KCNH2: variants seen among roughly 807,000 people sequenced by gnomAD.
KCNH2 encodes potassium voltage-gated channel subfamily H member 2, also known as voltage-gated inwardly rectifying potassium channel KCNH2.
In KCNH2, 35 loss-of-function variants were observed where a neutral mutation model predicts 95.9. That is an observed-to-expected ratio of 0.37 (90% CI 0.28 to 0.48). The LOEUF (loss-of-function observed/expected upper bound fraction) is 0.48. Among genes scored for constraint, KCNH2 ranks in the 20% least tolerant of loss-of-function variants. The pLI is 0.99. For missense variants in KCNH2, 1,274 were observed against 1,702.9 expected (o/e 0.75, Z 4.43); for synonymous variants, 786 against 754.7 (o/e 1.04, Z -0.68).
In KCNH2 at chr7:150,962,455, G is replaced by C. The variant is rs1045385446; in HGVS notation, c.308-2719C>G. 6.6e-6 allele frequency among the ~76,000 whole-genome samples: 1 copy of C among 152,136 alleles called. No homozygotes were observed. The highest frequency in any genetic ancestry group is 2.4e-5 in the African/African-American group (1 of 41,434). On this transcript the variant is annotated intron_variant, in intron 2 of 14. Coordinates refer to ENST00000262186, the MANE Select transcript of KCNH2 (RefSeq NM_000238.4). The surrounding 1 kb of genome is among the most constrained non-coding windows in gnomAD (Gnocchi z 5.7). ...TCCAACCTTGAGACCTCAGCAGCCCGTCCCCTCTTCAGCTCAAGCTGCTCA... is the reference window on the plus strand; with the variant it reads ...TCCAACCTTGAGACCTCAGCAGCCCCTCCCCTCTTCAGCTCAAGCTGCTCA...
chr7:150,947,850 G>A lies in KCNH2; in HGVS notation c.2721C>T (p.Ala907=), dbSNP rs1800974519. ...CTGCCCCCGCCCGGCCCGGCCCCAA[G>A]GCCGACACCTCCCCTGGCTGCTCCG... ...KDTEQPGEVS[A]LGPGRAGAGP... Residue 907 remains alanine, a synonymous_variant, in exon 12 of 15, where the codon GCC becomes GCT. Coordinates refer to ENST00000262186, the MANE Select transcript of KCNH2 (RefSeq NM_000238.4). 1 of 1,528,034 alleles carries A rather than the reference G, an allele frequency of 6.5e-7. No individual in the cohort carries two copies. The highest frequency in any genetic ancestry group is 8.7e-7 in the Non-Finnish European group (1 of 1,143,320). 94.7% of individuals were successfully genotyped at this position (1,528,034 alleles called of 1,614,324 possible). A position where few individuals can be genotyped will look rare whatever the true frequency, so the allele number is the denominator to read the frequency against.
In KCNH2 at chr7:150,948,924, G is replaced by C. The variant is rs2116940520; in HGVS notation, c.2524C>G (p.Leu842Val). 1 of 1,614,214 alleles carries C rather than the reference G, an allele frequency of 6.2e-7. No individual in the cohort carries two copies. The highest frequency in any genetic ancestry group is 8.5e-7 in the Non-Finnish European group (1 of 1,180,042). ...TCGGAGAACTCAGGGTACATGTCCAGCACCTCCAGCAGGTCGTCCCGATGG... is the reference window on the plus strand; with the variant it reads ...TCGGAGAACTCAGGGTACATGTCCACCACCTCCAGCAGGTCGTCCCGATGG... ...KIHRDDLLEV[L>V]DMYPEFSDHF... Residue 842 changes from leucine (L) to valine (V), a missense_variant, in exon 10 of 15, where the codon CTG becomes GTG. Leu to Val is a conservative substitution (Grantham distance 32, BLOSUM62 1). Coordinates refer to ENST00000262186, the MANE Select transcript of KCNH2 (RefSeq NM_000238.4).
In KCNH2 at chr7:150,948,469, C is replaced by A; in HGVS notation, c.2667G>T (p.Leu889Phe). The part of the protein sequence containing the change: ...GGFSRQRKRK[L>F]SFRRRTDKDT... ...CCTTGTCCGTGCGCCTGCGGAAGGA[C>A]AACTTGCGCTTGCGTTGCCGACTGA... The change falls in exon 11 of 15, where the codon TTG becomes TTT. Residue 889 changes from leucine (L) to phenylalanine (F), a missense_variant. Around this residue, in one of 7 missense-constraint regions of KCNH2, gnomAD observed 457 missense variants for 416.1 expected, o/e 1.10. Transcript: ENST00000262186. The A allele has an allele frequency of 6.2e-7, 1 of 1,610,258 alleles. No individual in the cohort carries two copies.
Position 150,977,831 on chromosome 7 carries a change from C to G in KCNH2, c.76+7G>C. 6.3e-7 allele frequency: 1 copy of G among 1,589,946 alleles called. No individual in the cohort carries two copies. The highest frequency in any genetic ancestry group is 8.6e-7 in the Non-Finnish European group (1 of 1,166,684). On this transcript the variant is annotated splice_region_variant and intron_variant, in intron 1 of 14. Coordinates refer to ENST00000262186, the MANE Select transcript of KCNH2 (RefSeq NM_000238.4). ...CCCCTCCCCGCTCAGCCCCCTCCCC[C>G]ACTCACTCTGGCCCTCAAACTTGCG...
intron 5 of KCNH2, among the ~76,000 whole-genome samples, chr7:150,954,277 A>G (rs1421273794): frequency 6.6e-6 from 1 of 152,028 alleles, no homozygotes; most frequent in African/African-American, 2.4e-5. Context: ...CTGAAAAAAA[A>G]AAAAGAAAAC....
intron 5 of KCNH2, chr7:150,955,250 G>C: frequency 2.4e-6 from 2 of 818,162 alleles, no homozygotes; most frequent in Admixed American, 2.1e-5. Context: ...AGCCAGGCGC[G>C]GGTGAGCAGG....
rs549271497 is a variant in KCNH2, at chr7:150,970,309, TC to T, written c.307+4401del. Among the ~76,000 whole-genome samples, 8 of 92,062 alleles carry T rather than the reference TC, an allele frequency of 8.7e-5. No individual in the cohort carries two copies. In the East Asian group the frequency reaches 2.8e-3, roughly 33 times the overall value. 60.4% of individuals were successfully genotyped at this position (92,062 alleles called of 152,430 possible). ...CCCTTCTGCTGCCCCATGGCCCCCC[TC>T]CCCAGAGCCCAAGGCCACCATCAAA... On this transcript the variant is annotated intron_variant, in intron 2 of 14. Transcript: ENST00000262186.
In KCNH2 at chr7:150,950,979, C is replaced by T. The variant is rs199473531; in HGVS notation, c.2087G>A (p.Arg696His). 2 of 1,614,238 alleles carry T rather than the reference C, an allele frequency of 1.2e-6. No individual in the cohort carries two copies. The highest frequency in any genetic ancestry group is 1.1e-5 in the South Asian group (1 of 91,090). The change falls in exon 8 of 15, where the codon CGC (arginine) becomes CAC (histidine). Residue 696 changes from arginine to histidine, a missense_variant. Transcript: ENST00000262186. ...GGCGTGCTGGAAGTACTCCTCGAGG[C>T]GCTGGCGCAGGGGATTGGGGATCTG... The part of the protein sequence containing the change: ...FHQIPNPLRQ[R>H]LEEYFQHAWS...
chr7:150,947,384 C>T lies in KCNH2; in HGVS notation c.3096G>A (p.Arg1032=). ...LLNIPLSSPG[R]RPRGDVESRL... Reference sequence around the variant, plus strand: ...TGCTCTCCACGTCGCCCCGGGGCCGCCGACCCGGGCTGGAGAGGGGGATGT... The same window carrying T: ...TGCTCTCCACGTCGCCCCGGGGCCGTCGACCCGGGCTGGAGAGGGGGATGT... Residue 1032 remains arginine, a synonymous_variant, in exon 13 of 15, where the codon CGG becomes CGA. Transcript: ENST00000262186. 3 of 1,549,078 alleles carry T rather than the reference C, an allele frequency of 1.9e-6. No homozygotes were observed. In the South Asian group the frequency reaches 3.6e-5, roughly 18 times the overall value.
rs978908789 is a variant in KCNH2, at chr7:150,963,965, A to G, written c.308-4229T>C. Reference sequence around the variant, plus strand: ...GCCGGCTTGCTTTCATTTGGTGCCAATCCACACCCAGCAGTCTACCTGGGG... The same window carrying G: ...GCCGGCTTGCTTTCATTTGGTGCCAGTCCACACCCAGCAGTCTACCTGGGG... On this transcript the variant is annotated intron_variant, in intron 2 of 14. Coordinates refer to ENST00000262186, the MANE Select transcript of KCNH2 (RefSeq NM_000238.4). 6.6e-5 allele frequency among the ~76,000 whole-genome samples: 10 copies of G among 152,280 alleles called. No homozygotes were observed. The South Asian group carries it at 8.3e-4, about 13-fold the overall frequency.
At chr7:150,970,712 C>A (rs1016013495) in intron 2 of KCNH2, among the ~76,000 whole-genome samples, 13 of 152,218 alleles carry the variant, frequency 8.5e-5, no homozygotes, top group African/African-American at 2.9e-4. Context: ...CCTGCAGATT[C>A]TCCCACTCAG....
rs1406620826 is a variant in KCNH2 at position 150,978,287 on chromosome 7, CA to C, written c.-375del. The stretch of plus-strand genomic sequence containing the variant: ...GCCGCTCCAGCGCCCGCGGCTCGGG[CA>C]GCGCCTGCGGCTCGGCCCGGCCGCG... On this transcript the variant is annotated 5_prime_UTR_variant, in exon 1 of 15. Transcript: ENST00000262186. 6.8e-6 allele frequency: 1 copy of C among 146,762 alleles called. No individual in the cohort carries two copies. The highest frequency in any genetic ancestry group is 1.5e-5 in the Non-Finnish European group (1 of 65,872). The allele number at this position is 146,762 out of a possible 1,614,324, so 9.1% of individuals were successfully genotyped here.
chr7:150,976,738 C>A (rs1037061013), intron 1 of KCNH2, among the ~76,000 whole-genome samples: 11 of 151,570 alleles, frequency 7.3e-5, no homozygotes, highest in South Asian at 4.2e-4. Flanking sequence ...GCACCCCCCC[C>A]CACATCCATC....
Position 150,948,455 on chromosome 7 carries a change from C to G in KCNH2, c.2681G>C (p.Arg894Pro), listed in dbSNP as rs199473668. Residue 894 changes from arginine to proline, a missense_variant, in exon 11 of 15, where the codon CGC becomes CCC. This residue lies in a region of KCNH2 where 457 missense variants were observed against 416.1 expected (regional missense o/e 1.10). Coordinates refer to ENST00000262186, the MANE Select transcript of KCNH2 (RefSeq NM_000238.4). ...QRKRKLSFRR[R>P]TDKDTEQPGE... Reference sequence around the variant, plus strand: ...CTCCCCCGCCTCACCCTTGTCCGTGCGCCTGCGGAAGGACAACTTGCGCTT... The same window carrying G: ...CTCCCCCGCCTCACCCTTGTCCGTGGGCCTGCGGAAGGACAACTTGCGCTT... 2 of 1,295,342 alleles carry G rather than the reference C, an allele frequency of 1.5e-6. No homozygotes were observed. Among genetic ancestry groups the G allele is most frequent in the Non-Finnish European group, 2.1e-6 (2 of 953,252 alleles). 80.2% of individuals were successfully genotyped at this position (1,295,342 alleles called of 1,614,324 possible).
chr7:150,959,272 C>G (rs1801485717), intron 3 of KCNH2, among the ~76,000 whole-genome samples: 1 of 152,164 alleles, frequency 6.6e-6, no homozygotes, highest in African/African-American at 2.4e-5. Flanking sequence ...GGAGAGAGGA[C>G]CGCTCCCAGG....
chr7:150,947,848 A>G lies in KCNH2; in HGVS notation c.2723T>C (p.Leu908Ser). ...CCCTGCCCCCGCCCGGCCCGGCCCC[A>G]AGGCCGACACCTCCCCTGGCTGCTC... is the stretch of plus-strand genomic sequence containing the variant. ...DTEQPGEVSA[L>S]GPGRAGAGPS... Residue 908 changes from leucine (L) to serine (S), a missense_variant, in exon 12 of 15, where the codon TTG becomes TCG. By Grantham distance (145) the Leu-to-Ser change is moderately radical. Coordinates refer to ENST00000262186, the MANE Select transcript of KCNH2 (RefSeq NM_000238.4). The G allele has an allele frequency of 6.6e-7, 1 of 1,526,670 alleles. No homozygotes were observed. 94.6% of individuals were successfully genotyped at this position (1,526,670 alleles called of 1,614,324 possible).
chr7:150,946,058 ACATTTGCTGACGTGGGCCCTCGTGTCTG>A lies in KCNH2; in HGVS notation c.3331-572_3331-545del. On this transcript the variant is annotated intron_variant, in intron 14 of 14. Coordinates refer to ENST00000262186, the MANE Select transcript of KCNH2 (RefSeq NM_000238.4). The surrounding 1 kb of genome is among the most constrained non-coding windows in gnomAD (Gnocchi z 6.5). ...GGGGCGGCTGCGAAGGGAGACTGGC[ACATTTGCTGACGTGGGCCCTCGTGTCTG>A]CAAACAGGAGCAGGCAGCATATGGG... Among the ~76,000 whole-genome samples the A allele has an allele frequency of 6.6e-6, 1 of 152,204 alleles. No homozygotes were observed. The highest frequency in any genetic ancestry group is 2.1e-4 in the South Asian group (1 of 4,822).
At chr7:150,948,357 G>A in intron 11 of KCNH2, 87 bp downstream of exon 11, 1 of 1,086,776 alleles carries the variant, frequency 9.2e-7, no homozygotes. Flanking sequence ...CTGAGGCCTG[G>A]GTAAAGCAGA....
intron 9 of KCNH2, chr7:150,949,703 A>G: frequency 8.5e-7 from 1 of 1,173,620 alleles, no homozygotes; most frequent in East Asian, 6.1e-5. Flanking sequence ...GTCCAGACAC[A>G]CCAACCCACC....
Sources: allele counts gnomAD v4.1 joint callset (sites outside exome capture counted in the v4.1 genomes callset), GRCh38; gene constraint gnomAD v4.1.1; regional missense constraint gnomAD v4.1.1; non-coding constraint Gnocchi (gnomAD v3.1); transcripts MANE v1.5; gene names NCBI Gene and HGNC (gene_info 2026-07-23, HGNC 2026-07-21).